The following CYP11B1 variants were observed in gnomAD, a reference collection of about 807,000 sequenced individuals.
CYP11B1 encodes cytochrome P450 11B1, mitochondrial.
A neutral mutation model predicts 48.3 loss-of-function variants in CYP11B1; 34 were observed. That is an observed-to-expected ratio of 0.70 (90% confidence interval 0.54 to 0.94). The LOEUF is 0.94. CYP11B1 is among the 40% of genes least tolerant of loss of function. The probability of loss-of-function intolerance (pLI) is 0.00; values close to 1 mark genes in which losing one functional copy is unlikely to be tolerated. For missense variants in CYP11B1, 688 were observed against 657.4 expected (o/e 1.05, Z -0.51); for synonymous variants, 291 against 262.5 (o/e 1.11, Z -1.05).
Position 142,874,331 on chromosome 8 carries a change from G to A in CYP11B1, c.*42C>T. 1 of 1,412,014 alleles carries A rather than the reference G, an allele frequency of 7.1e-7. No homozygotes were observed. Among genetic ancestry groups the A allele is most frequent in the Non-Finnish European group, 1.0e-6 (1 of 995,614 alleles). The allele number at this position is 1,412,014 out of a possible 1,614,324, so 87.5% of individuals were successfully genotyped here. A position where few individuals can be genotyped will look rare whatever the true frequency, so the allele number is the denominator to read the frequency against. Reference sequence around the variant, plus strand: ...GGTGGCCTGGGGTCAGGCAGAAAGGGAGGCTGGTGGCCAGGCTGGGACCCT... The same window carrying A: ...GGTGGCCTGGGGTCAGGCAGAAAGGAAGGCTGGTGGCCAGGCTGGGACCCT... On this transcript the variant is annotated 3_prime_UTR_variant, in exon 9 of 9. Coordinates refer to ENST00000292427, the MANE Select transcript of CYP11B1 (RefSeq NM_000497.4).
intron 2 of CYP11B1, chr8:142,877,978 A>G (rs1415584911): frequency 3.2e-5 from 21 of 658,670 alleles, no homozygotes; most frequent in East Asian, 5.5e-5. Context: ...ACATGTGCAC[A>G]GACACTACAC....
In CYP11B1 at chr8:142,875,653, G is replaced by A. The variant is rs1272402816; in HGVS notation, c.1121+59C>T. On this transcript the variant is annotated intron_variant, in intron 6 of 8. Coordinates refer to ENST00000292427, the MANE Select transcript of CYP11B1 (RefSeq NM_000497.4). ...CCCAGATTCTGTCTGCCACCACCCA[G>A]TGGGGGCTGCTCTCCAGCAGGGGGC... 107 of 1,597,198 alleles carry A rather than the reference G, an allele frequency of 6.7e-5. 2 individuals carry two copies. The South Asian group carries it at 1.1e-3, about 16-fold the overall frequency.
chr8:142,879,402 T>C (rs762987068), intron 1 of CYP11B1, 173 bp downstream of exon 1: 95 of 1,612,130 alleles, frequency 5.9e-5, no homozygotes, highest in Admixed American at 1.3e-4. Context: ...CTCTGCACCA[T>C]CCCCTGCCCT....
At position 142,877,204 on chromosome 8, in the gene CYP11B1, G is replaced by T; in HGVS notation, c.414C>A (p.Arg138=). The T allele has an allele frequency of 6.2e-7, 1 of 1,613,680 alleles. No individual in the cohort carries two copies. Among genetic ancestry groups the T allele is most frequent in the Non-Finnish European group, 8.5e-7 (1 of 1,179,824 alleles). The part of the protein sequence containing the change: ...GVFLLNGPEW[R]FNRLRLNPEV... ...CTGGATTCAGCCGCAATCGGTTGAA[G>T]CGCCATTCAGGCCCATTCCTACAGA... The change falls in exon 3 of 9, where the codon CGC becomes CGA. Residue 138 remains arginine, a synonymous_variant. Coordinates refer to ENST00000292427, the MANE Select transcript of CYP11B1 (RefSeq NM_000497.4).
chr8:142,879,063 G>T lies in CYP11B1; in HGVS notation c.364C>A (p.His122Asn), dbSNP rs1383107624. 3 of 1,614,174 alleles carry T rather than the reference G, an allele frequency of 1.9e-6. No homozygotes were observed. In the South Asian group the frequency reaches 3.3e-5, roughly 18 times the overall value. Residue 122 changes from histidine (H) to asparagine (N), a missense_variant, in exon 2 of 9, where the codon CAT (histidine) becomes AAT (asparagine). His to Asn is a moderately conservative substitution (Grantham distance 68). Coordinates refer to ENST00000292427, the MANE Select transcript of CYP11B1 (RefSeq NM_000497.4). ...AACACGCCACATTTGTGCCCACGATGTTGTCTGTAGGCCACCCAGGGCTCC... is the reference window on the plus strand; with the variant it reads ...AACACGCCACATTTGTGCCCACGATTTTGTCTGTAGGCCACCCAGGGCTCC... ...SLEPWVAYRQ[H>N]RGHKCGVFLL...
chr8:142,873,949 C>G lies in CYP11B1; in HGVS notation c.*424G>C. ...ACTGGACTCTGAGATGCTGGGATCCCGCTTAATGACTCTGACAGTCTGCGC... is the reference window on the plus strand; with the variant it reads ...ACTGGACTCTGAGATGCTGGGATCCGGCTTAATGACTCTGACAGTCTGCGC... On this transcript the variant is annotated 3_prime_UTR_variant, in exon 9 of 9. Coordinates refer to ENST00000292427, the MANE Select transcript of CYP11B1 (RefSeq NM_000497.4). The G allele has an allele frequency of 3.6e-6, 1 of 278,082 alleles. No homozygotes were observed. Among genetic ancestry groups the G allele is most frequent in the Admixed American group, 4.3e-5 (1 of 23,272 alleles). The allele number at this position is 278,082 out of a possible 1,614,324, so 17.2% of individuals were successfully genotyped here. A position where few individuals can be genotyped will look rare whatever the true frequency, so the allele number is the denominator to read the frequency against.
intron 2 of CYP11B1, among the ~76,000 whole-genome samples, chr8:142,878,727 C>A (rs1817043370): frequency 6.6e-6 from 1 of 152,036 alleles, no homozygotes; most frequent in Non-Finnish European, 1.5e-5. Context: ...GAAGGACAGT[C>A]CCCAGACCGC....
chr8:142,876,942 C>G (rs1816974847), intron 3 of CYP11B1, 57 bp from the exon 4 acceptor site: 5 of 1,612,866 alleles, frequency 3.1e-6, no homozygotes, highest in Non-Finnish European at 4.2e-6. Context: ...TGGCTGCCTC[C>G]CCACACTCCC....
rs531928599 is a variant in CYP11B1, at chr8:142,874,065, C to G, written c.*308G>C. The G allele has an allele frequency of 8.7e-6, 4 of 462,366 alleles. No individual in the cohort carries two copies. Among genetic ancestry groups the G allele is most frequent in the African/African-American group, 4.0e-5 (2 of 50,512 alleles). The allele number at this position is 462,366 out of a possible 1,614,324, so 28.6% of individuals were successfully genotyped here. On this transcript the variant is annotated 3_prime_UTR_variant, in exon 9 of 9. Transcript: ENST00000292427. ...ACCACAGCACCCTTGTATGGCCACA[C>G]GAGGAGCCTGGAGCCAGCACTGGGA...
chr8:142,878,885 C>T lies in CYP11B1; in HGVS notation c.395+147G>A, dbSNP rs146982961. 35 of 1,251,920 alleles carry T rather than the reference C, an allele frequency of 2.8e-5. 1 individual carries two copies. Among genetic ancestry groups the T allele is most frequent in the South Asian group, 1.8e-4 (14 of 76,766 alleles). 77.6% of individuals were successfully genotyped at this position (1,251,920 alleles called of 1,614,324 possible). Reference sequence around the variant, plus strand: ...AACCCACAGGGCAGACACGACCCCACGGAATGGCCGTCCTCTGGGTCGGGT... The same window carrying T: ...AACCCACAGGGCAGACACGACCCCATGGAATGGCCGTCCTCTGGGTCGGGT... On this transcript the variant is annotated intron_variant, in intron 2 of 8. Coordinates refer to ENST00000292427, the MANE Select transcript of CYP11B1 (RefSeq NM_000497.4).
At chr8:142,874,630 C>A in intron 8 of CYP11B1, 144 bp from the exon 9 acceptor site, 1 of 733,972 alleles carries the variant, frequency 1.4e-6, no homozygotes. Context: ...CTGACCAGCC[C>A]CACCTTACAG....
intron 2 of CYP11B1, among the ~76,000 whole-genome samples, chr8:142,878,686 C>T (rs898187557): frequency 2.7e-4 from 41 of 152,350 alleles, no homozygotes; most frequent in African/African-American, 9.6e-4. Context: ...TGGGAGTACC[C>T]TTCTCAGGGC....
rs752434613 is a variant in CYP11B1, at chr8:142,874,501, G to A, written c.1399-15C>T. ...TGTTTCAGCACCTAGGACAGAAGCC[G>A]GGTTTCCATCTGGCTTGGTCCGCAG... On this transcript the variant is annotated splice_polypyrimidine_tract_variant and intron_variant, in intron 8 of 8. Transcript: ENST00000292427. 7.0e-6 allele frequency: 11 copies of A among 1,576,156 alleles called. No homozygotes were observed. Among genetic ancestry groups the A allele is most frequent in the East Asian group, 2.2e-5 (1 of 44,684 alleles).
At chr8:142,879,298 CG>C in intron 1 of CYP11B1, 111 bp from the exon 2 acceptor site, 1 of 1,606,864 alleles carries the variant, frequency 6.2e-7, no homozygotes, top group Non-Finnish European at 8.5e-7. Flanking sequence ...CCTGGATTAG[CG>C]GCTTCACAGC....
Position 142,876,265 on chromosome 8 carries a change from T to C in CYP11B1, c.930A>G (p.Glu310=), listed in dbSNP as rs148707144. 3.9e-4 allele frequency: 626 copies of C among 1,614,154 alleles called. No homozygotes were observed. The highest frequency in any genetic ancestry group is 1.2e-3 in the Middle Eastern group (7 of 6,058). Residue 310 remains glutamate (E), a synonymous_variant, in exon 5 of 9, where the codon GAA becomes GAG. Transcript: ENST00000292427. The part of the protein sequence containing the change: ...SPDAIKANSM[E]LTAGSVDTTV... ...CCGTGTCCACGCTCCCTGCAGTGAG[T>C]TCCATAGAGTTGGCCTTGATGGCAT...
At chr8:142,876,002 A>G in intron 5 of CYP11B1, 124 bp from the exon 6 acceptor site, 2 of 1,292,722 alleles carry the variant, frequency 1.5e-6, no homozygotes, top group Non-Finnish European at 2.2e-6. Flanking sequence ...GACAGAGCCC[A>G]AGACTTCAAA....
At position 142,875,057 on chromosome 8, in the gene CYP11B1, C is replaced by A. The variant is rs542739915; in HGVS notation, c.1298G>T (p.Gly433Val). 6.2e-7 allele frequency: 1 copy of A among 1,614,268 alleles called. No homozygotes were observed. Among genetic ancestry groups the A allele is most frequent in the Non-Finnish European group, 8.5e-7 (1 of 1,180,042 alleles). ...YNPQRWLDIRGSGRNFYHVPF... is the reference protein window; with the variant it reads ...YNPQRWLDIRVSGRNFYHVPF... ...CACGTGGTAGAAGTTCCTGCCGGAG[C>A]CCCTGATGTCTAGCCAGCGCTGGGG... The change falls in exon 8 of 9, where the codon GGC (glycine) becomes GTC (valine). Residue 433 changes from glycine to valine, a missense_variant. Gly to Val is a moderately radical substitution (Grantham distance 109). Coordinates refer to ENST00000292427, the MANE Select transcript of CYP11B1 (RefSeq NM_000497.4).
Position 142,879,098 on chromosome 8 carries a change from C to T in CYP11B1, c.329G>A (p.Arg110Lys). The T allele has an allele frequency of 1.2e-6, 2 of 1,614,066 alleles. No individual in the cohort carries two copies. Among genetic ancestry groups the T allele is most frequent in the East Asian group, 2.2e-5 (1 of 44,882 alleles). ...GGCCACCCAGGGCTCCAGGCTCATC[C>T]TGTGGGGATGCAGGCTGTCCACCTG... ...LQQVDSLHPH[R>K]MSLEPWVAYR... The change falls in exon 2 of 9, where the codon AGG (arginine) becomes AAG (lysine). Residue 110 changes from arginine to lysine, a missense_variant. By Grantham distance (26) the Arg-to-Lys change is conservative. Transcript: ENST00000292427.
In CYP11B1 at chr8:142,874,357, G is replaced by T. The variant is rs768339938; in HGVS notation, c.*16C>A. ...AGGCTGGTGGCCAGGCTGGGACCCT[G>T]GGTGCAGAGACGTGATTAGTTGATG... is the stretch of plus-strand genomic sequence containing the variant. On this transcript the variant is annotated 3_prime_UTR_variant, in exon 9 of 9. Transcript: ENST00000292427. The T allele has an allele frequency of 1.3e-6, 2 of 1,581,684 alleles. No homozygotes were observed. Among genetic ancestry groups the T allele is most frequent in the South Asian group, 1.1e-5 (1 of 90,414 alleles).
Sources: gnomAD v4.1 joint callset for allele counts (sites outside exome capture counted in the v4.1 genomes callset) on GRCh38, gnomAD v4.1.1 for gene constraint, MANE v1.5 for transcripts, NCBI Gene and HGNC (gene_info 2026-07-23, HGNC 2026-07-21) for gene names.